HLTF: variants seen among roughly 807,000 people sequenced by gnomAD.
The protein encoded by HLTF is helicase like transcription factor.
A neutral mutation model predicts 129.4 loss-of-function variants in HLTF; 127 were observed. The observed-to-expected ratio is 0.98, with a 90% CI of 0.85 to 1.14. The LOEUF is 1.14. Ranked by LOEUF, HLTF falls within the 50% of genes most tolerant of loss-of-function variation. The pLI, the probability that HLTF is intolerant of heterozygous loss-of-function variation, is 0.00. For missense variants in HLTF, 1,139 were observed against 1,187.1 expected, an observed-to-expected ratio of 0.96 and a Z score of 0.60; for synonymous variants, 332 against 388.8, an observed-to-expected ratio of 0.85 and a Z score of 1.72.
At position 149,037,583 on chromosome 3, in the gene HLTF, G is replaced by A. The variant is rs555606876; in HGVS notation, c.2796+1466C>T. Among the ~76,000 whole-genome samples, 245 of 152,166 alleles carry A rather than the reference G, an allele frequency of 1.6e-3. 2 individuals are homozygous for A. The highest frequency in any genetic ancestry group is 2.9e-3 in the African/African-American group (121 of 41,494). On this transcript the variant is annotated intron_variant, in intron 23 of 24. Transcript: ENST00000310053. ...TTATAATCTTACTGAGAAGGATACC[G>A]TCAGTTGAGGGAGGAAAAAGGAAGC...
At chr3:149,045,055 A>G (rs946109306) in intron 18 of HLTF, among the ~76,000 whole-genome samples, 2 of 152,114 alleles carry the variant, frequency 1.3e-5, no homozygotes, top group African/African-American at 4.8e-5. Context: ...AAAAAGTAAA[A>G]GCCAAAGTCC....
At chr3:149,063,388 A>T (rs759333857) in intron 10 of HLTF, 43 bp downstream of exon 10, 3 of 1,237,514 alleles carry the variant, frequency 2.4e-6, no homozygotes, top group Non-Finnish European at 3.6e-6. Flanking sequence ...AAGAAAACAG[A>T]GTCTAAATAA....
In HLTF at chr3:149,071,572, T is replaced by C; in HGVS notation, c.702+11A>G. 6.4e-7 allele frequency: 1 copy of C among 1,560,700 alleles called. No individual in the cohort carries two copies. On this transcript the variant is annotated intron_variant, in intron 6 of 24. Coordinates refer to ENST00000310053, the MANE Select transcript of HLTF (RefSeq NM_003071.4). ...CTGAGTAGTCTTAAATAAAAAATAT[T>C]GGTTCAATACCTCAGCTGGTTCCAT...
intron 23 of HLTF, among the ~76,000 whole-genome samples, chr3:149,035,910 C>T (rs370131290): frequency 6.6e-6 from 1 of 151,708 alleles, no homozygotes; most frequent in South Asian, 2.1e-4. Context: ...CCGAGGCAGG[C>T]AGATCACGAG....
At chr3:149,052,524 CAT>C (rs1717081966) in intron 14 of HLTF, among the ~76,000 whole-genome samples, 1 of 152,058 alleles carries the variant, frequency 6.6e-6, no homozygotes, top group Admixed American at 6.5e-5. Flanking sequence ...AAATGAATAA[CAT>C]ATTCAAGGCA....
chr3:149,041,718 C>G (rs1232118325), intron 19 of HLTF, 50 bp from the exon 20 acceptor site: 2 of 1,295,706 alleles, frequency 1.5e-6, no homozygotes, highest in Admixed American at 3.6e-5. Context: ...TGTAATATGA[C>G]AAGTTAATCT....
chr3:149,036,089 C>T (rs543901060), intron 23 of HLTF, among the ~76,000 whole-genome samples: 3 of 151,334 alleles, frequency 2.0e-5, no homozygotes, highest in Admixed American at 1.3e-4. Flanking sequence ...GAGCCGAGAT[C>T]GCGCCACTGC....
chr3:149,050,133 A>C, intron 15 of HLTF, 99 bp downstream of exon 15: 2 of 670,752 alleles, frequency 3.0e-6, no homozygotes, highest in Non-Finnish European at 4.6e-6. Flanking sequence ...AAAGAGAAAA[A>C]AAAAGTATAA....
Position 149,032,308 on chromosome 3 carries a change from G to A in HLTF, c.2942C>T (p.Ala981Val), listed in dbSNP as rs1189181913. Reference protein sequence around the residue: ...LKIQNKKRELAAGAFGTKKPN... With the variant: ...LKIQNKKRELVAGAFGTKKPN... ...TTTTTTAGTTCCAAAGGCTCCTGCT[G>A]CAAGTTCTCTCTTTTTGTTTTGTAT... The change falls in exon 25 of 25, where the codon GCA (alanine) becomes GTA (valine). Residue 981 changes from alanine to valine, a missense_variant. Ala to Val is a moderately conservative substitution (Grantham distance 64, BLOSUM62 0). Coordinates refer to ENST00000310053, the MANE Select transcript of HLTF (RefSeq NM_003071.4). 5 of 1,597,642 alleles carry A rather than the reference G, an allele frequency of 3.1e-6. No homozygotes were observed. Among genetic ancestry groups the A allele is most frequent in the Non-Finnish European group, 3.4e-6 (4 of 1,171,728 alleles).
chr3:149,062,019 T>G (rs1717996757), intron 10 of HLTF, among the ~76,000 whole-genome samples: 1 of 152,172 alleles, frequency 6.6e-6, no homozygotes, highest in Non-Finnish European at 1.5e-5. Context: ...AATTCTGAAG[T>G]CAGACTGCCT....
At chr3:149,081,565 A>C (rs1719877208) in intron 2 of HLTF, among the ~76,000 whole-genome samples, 1 of 152,202 alleles carries the variant, frequency 6.6e-6, no homozygotes, top group African/African-American at 2.4e-5. Context: ...TGTCATAGCT[A>C]ATCAATAAAA....
At chr3:149,079,334 G>T (rs150908880) in intron 2 of HLTF, among the ~76,000 whole-genome samples, 87 of 102,610 alleles carry the variant, frequency 8.5e-4, no homozygotes, top group African/African-American at 3.1e-3. Context: ...GTCAAAAGAA[G>T]TTTGAGACCA....
chr3:149,076,840 G>A (rs1329684482), intron 2 of HLTF, among the ~76,000 whole-genome samples: 1 of 152,136 alleles, frequency 6.6e-6, no homozygotes, highest in Non-Finnish European at 1.5e-5. Context: ...AAATGTTTCA[G>A]AACACTGAGA....
Position 149,040,035 on chromosome 3 carries a change from G to T in HLTF, c.2498C>A (p.Ser833Ter). The change falls in exon 21 of 25, where the codon TCA becomes TAA. Residue 833 changes from serine (S) to a stop codon, truncating the protein, a stop_gained. Coordinates refer to ENST00000310053, the MANE Select transcript of HLTF (RefSeq NM_003071.4). LOFTEE classifies it high-confidence loss of function. ...KKSDMEWTSSSKINALMHALT... is the reference protein window; with the variant it reads ...KKSDMEWTSS ...ATTTGCACATGAGTACTTTACCTTT[G>T]AACTGGATGTCCATTCCATATCAGA... 1 of 1,609,282 alleles carries T rather than the reference G, an allele frequency of 6.2e-7. No individual in the cohort carries two copies. The highest frequency in any genetic ancestry group is 1.1e-5 in the South Asian group (1 of 90,308).
At chr3:149,063,352 G>A in intron 10 of HLTF, 79 bp downstream of exon 10, 1 of 957,344 alleles carries the variant, frequency 1.0e-6, no homozygotes, top group South Asian at 1.3e-5. Context: ...GAGCCACCGT[G>A]CCCAGCCTCT....
chr3:149,071,562 TA>T lies in HLTF; in HGVS notation c.702+20del. 2 of 1,541,690 alleles carry T rather than the reference TA, an allele frequency of 1.3e-6. No homozygotes were observed. Among genetic ancestry groups the T allele is most frequent in the Non-Finnish European group, 1.8e-6 (2 of 1,120,182 alleles). On this transcript the variant is annotated intron_variant, in intron 6 of 24. Coordinates refer to ENST00000310053, the MANE Select transcript of HLTF (RefSeq NM_003071.4). ...TTTAAACATTCTGAGTAGTCTTAAA[TA>T]AAAAATATTGGTTCAATACCTCAGC...
In HLTF at chr3:149,063,483, T is replaced by C. The variant is rs1182787520; in HGVS notation, c.1108A>G (p.Lys370Glu). The change falls in exon 10 of 25, where the codon AAG becomes GAG. Residue 370 changes from lysine to glutamate, a missense_variant. Coordinates refer to ENST00000310053, the MANE Select transcript of HLTF (RefSeq NM_003071.4). ...CSEQPSISDI[K>E]EKSKFRMSEL... is the part of the protein sequence containing the mutation. ...GACATGCGAAACTTACTCTTCTCCTTGATATCTGAAATACTGGGTTGTTCA... is the reference window on the plus strand; with the variant it reads ...GACATGCGAAACTTACTCTTCTCCTCGATATCTGAAATACTGGGTTGTTCA... The C allele has an allele frequency of 3.1e-6, 5 of 1,611,632 alleles. No homozygotes were observed. The highest frequency in any genetic ancestry group is 3.4e-6 in the Non-Finnish European group (4 of 1,177,832).
intron 1 of HLTF, among the ~76,000 whole-genome samples, chr3:149,085,803 G>A (rs1720320812): frequency 6.6e-6 from 1 of 152,214 alleles, no homozygotes; most frequent in Admixed American, 6.5e-5. Context: ...AATGAAAAGT[G>A]AAGGGGAGTC....
chr3:149,063,150 C>T (rs577241327), intron 10 of HLTF: 1 of 465,060 alleles, frequency 2.2e-6, no homozygotes, highest in Admixed American at 2.4e-5. Context: ...AGCTCTGCCT[C>T]CCGGGTTCAC....
Sources: gnomAD v4.1 joint callset for allele counts (sites outside exome capture counted in the v4.1 genomes callset) on GRCh38, gnomAD v4.1.1 for gene constraint, MANE v1.5 for transcripts, NCBI Gene and HGNC (gene_info 2026-07-23, HGNC 2026-07-21) for gene names.